Variants in PTPRG observed in about 807,000 individuals in gnomAD.
The protein encoded by PTPRG is protein tyrosine phosphatase receptor type G, also known as receptor-type tyrosine-protein phosphatase gamma.
A neutral mutation model predicts 165.3 loss-of-function variants in PTPRG; 102 were observed. That is an observed-to-expected ratio of 0.62 (90% confidence interval 0.53 to 0.73). The LOEUF (loss-of-function observed/expected upper bound fraction) is 0.73, where lower values mean the gene tolerates loss of function less well. PTPRG is among the 30% of genes least tolerant of loss of function. The pLI, the probability that PTPRG is intolerant of heterozygous loss-of-function variation, is 0.00. For synonymous variants in PTPRG, 675 were observed against 669.5 expected, an observed-to-expected ratio of 1.01 and a Z score of -0.13; for missense variants, 1,866 against 1,861.4, an observed-to-expected ratio of 1.00 and a Z score of -0.05.
At chr3:61,582,909 G>T (rs1375272603) in intron 1 of PTPRG, among the ~76,000 whole-genome samples, 7 of 152,180 alleles carry the variant, frequency 4.6e-5, no homozygotes, top group African/African-American at 1.4e-4. Flanking sequence ...CTAATAACAT[G>T]CTGAAATACT....
At chr3:61,749,200 A>C in intron 2 of PTPRG, 1 of 646,168 alleles carries the variant, frequency 1.5e-6, no homozygotes. Flanking sequence ...TTTCCCCTCA[A>C]TTTGCGTTTA....
chr3:61,650,956 C>T (rs1031268147), intron 1 of PTPRG, among the ~76,000 whole-genome samples: 2 of 152,054 alleles, frequency 1.3e-5, no homozygotes, highest in East Asian at 1.9e-4. Flanking sequence ...GCAATTTGAA[C>T]CTATATTTTT....
chr3:61,794,260 C>T lies in PTPRG; in HGVS notation c.190+45278C>T, dbSNP rs1302301972. 4.0e-5 allele frequency among the ~76,000 whole-genome samples: 6 copies of T among 151,630 alleles called. No homozygotes were observed. The East Asian group carries it at 1.2e-3, about 29-fold the overall frequency. ...ACTTGTGTGTGGGGGGTATCTTTTT[C>T]TTAAGGATGTGTTAGAATTACTATT... On this transcript the variant is annotated intron_variant, in intron 2 of 29. Transcript: ENST00000474889.
intron 2 of PTPRG, among the ~76,000 whole-genome samples, chr3:61,835,659 C>G (rs1328879680): frequency 1.3e-5 from 2 of 152,024 alleles, no homozygotes; most frequent in Non-Finnish European, 2.9e-5. Context: ...TCCTTAATGG[C>G]CTGGCCTTGT....
chr3:61,826,977 C>T (rs556113207), intron 2 of PTPRG, among the ~76,000 whole-genome samples: 1 of 152,240 alleles, frequency 6.6e-6, no homozygotes, highest in Non-Finnish European at 1.5e-5. Flanking sequence ...TTATCCCGCC[C>T]TCTTCTAAGT....
In PTPRG at chr3:62,222,616, A is replaced by G. The variant is rs954661180; in HGVS notation, c.2288+3633A>G. ...CAGAAGTAGGATCAGTACCATTGCC[A>G]TCAAAACCTTGGACTGAAGCCGAAC... On this transcript the variant is annotated intron_variant, in intron 13 of 29. Transcript: ENST00000474889. This position sits in a 1 kb window ranked among gnomAD's most constrained non-coding sequence, Gnocchi z 4.5. Among the ~76,000 whole-genome samples the G allele has an allele frequency of 4.6e-5, 7 of 152,216 alleles. No homozygotes were observed. The highest frequency in any genetic ancestry group is 1.0e-4 in the Non-Finnish European group (7 of 68,048).
chr3:62,184,370 C>T (rs1002418654), intron 8 of PTPRG, among the ~76,000 whole-genome samples: 8 of 152,176 alleles, frequency 5.3e-5, no homozygotes, highest in Non-Finnish European at 1.2e-4. Context: ...ACCCCAAGCA[C>T]CAAGATTCCA....
At chr3:61,918,987 G>A (rs1056549060) in intron 2 of PTPRG, among the ~76,000 whole-genome samples, 26 of 152,084 alleles carry the variant, frequency 1.7e-4, no homozygotes, top group Admixed American at 1.7e-3. Flanking sequence ...TGTGAGGGTG[G>A]GACTAGGCAA....
At chr3:62,103,576 C>A (rs1446308143) in intron 5 of PTPRG, among the ~76,000 whole-genome samples, 6 of 152,180 alleles carry the variant, frequency 3.9e-5, no homozygotes, top group Non-Finnish European at 5.9e-5. Context: ...CCTTGGTTCC[C>A]ATGAAGAAAT....
At position 61,662,588 on chromosome 3, in the gene PTPRG, A is replaced by C. The variant is rs1048131485; in HGVS notation, c.86-86290A>C. Among the ~76,000 whole-genome samples the C allele has an allele frequency of 2.0e-5, 3 of 152,320 alleles. No homozygotes were observed. The East Asian group carries it at 5.8e-4, about 29-fold the overall frequency. ...TTAGAAGCCATTACGTTGTGGGATA[A>C]TTTGTTACACAGTAATAGATCACTA... On this transcript the variant is annotated intron_variant, in intron 1 of 29. Transcript: ENST00000474889.
At chr3:61,982,283 G>A (rs539380452) in intron 2 of PTPRG, among the ~76,000 whole-genome samples, 3 of 152,224 alleles carry the variant, frequency 2.0e-5, no homozygotes, top group African/African-American at 7.2e-5. Flanking sequence ...ACTTGTTGAA[G>A]CCAGTTTCCT....
chr3:62,146,409 C>A (rs1338421624), intron 6 of PTPRG, among the ~76,000 whole-genome samples: 1 of 152,036 alleles, frequency 6.6e-6, no homozygotes, highest in Admixed American at 6.6e-5. Context: ...GGACTGTCTC[C>A]CTCCCAGGCC....
chr3:62,100,325 A>G lies in PTPRG; in HGVS notation c.615+22067A>G, dbSNP rs369609882. Among the ~76,000 whole-genome samples the G allele has an allele frequency of 1.4e-4, 21 of 152,276 alleles. No individual in the cohort carries two copies. In the South Asian group the frequency reaches 4.1e-3, roughly 30 times the overall value. On this transcript the variant is annotated intron_variant, in intron 5 of 29. Coordinates refer to ENST00000474889, the MANE Select transcript of PTPRG (RefSeq NM_002841.4). ...ACTTGTTCCTGTTCTAGTCTTTTCT[A>G]TATCTTAAACAGAAAACCGACACTT...
chr3:61,675,550 T>C (rs568406560), intron 1 of PTPRG, among the ~76,000 whole-genome samples: 2 of 152,300 alleles, frequency 1.3e-5, no homozygotes, highest in South Asian at 2.1e-4. Flanking sequence ...CAGTCTTTTT[T>C]CCCCCTATTA....
In PTPRG at chr3:62,132,661, A is replaced by C; in HGVS notation, c.675A>C (p.Val225=). 2.5e-6 allele frequency: 4 copies of C among 1,609,566 alleles called. No homozygotes were observed. Among genetic ancestry groups the C allele is most frequent in the Non-Finnish European group, 3.4e-6 (4 of 1,175,836 alleles). ...DPIIHGLKGV[V]HHEKETFLDP... ...TTATCCACGGGTTGAAGGGTGTCGT[A>C]CATCATGGTAAGTATGCCACATACA... Residue 225 remains valine (V), a synonymous_variant, in exon 6 of 30, where the codon GTA becomes GTC. Transcript: ENST00000474889.
intron 17 of PTPRG, among the ~76,000 whole-genome samples, chr3:62,265,609 T>G (rs192001779): frequency 3.5e-4 from 53 of 152,244 alleles, no homozygotes; most frequent in Non-Finnish European, 2.9e-5. Flanking sequence ...AATAGGATTG[T>G]TTGTTCTACT....
At chr3:61,995,642 T>A (rs995282843) in intron 3 of PTPRG, among the ~76,000 whole-genome samples, 29 of 151,936 alleles carry the variant, frequency 1.9e-4, no homozygotes, top group African/African-American at 7.0e-4. Context: ...TGTCTTCATA[T>A]GTTTCTGATA....
At chr3:61,890,877 T>C (rs892924428) in intron 2 of PTPRG, among the ~76,000 whole-genome samples, 1 of 152,236 alleles carries the variant, frequency 6.6e-6, no homozygotes, top group African/African-American at 2.4e-5. Flanking sequence ...TTTGTTACTT[T>C]ACATCCATAT....
intron 8 of PTPRG, among the ~76,000 whole-genome samples, chr3:62,170,407 T>A (rs1017628199): frequency 2.6e-5 from 4 of 152,118 alleles, no homozygotes; most frequent in Admixed American, 1.3e-4. Flanking sequence ...CAAGATCTGA[T>A]AGCTCAGAAT....
Sources: allele counts gnomAD v4.1 joint callset (sites outside exome capture counted in the v4.1 genomes callset), GRCh38; gene constraint gnomAD v4.1.1; non-coding constraint Gnocchi (gnomAD v3.1); transcripts MANE v1.5; gene names NCBI Gene and HGNC (gene_info 2026-07-23, HGNC 2026-07-21).